The following ALK variants were observed in gnomAD, a reference collection of about 807,000 sequenced individuals.
ALK encodes the protein ALK tyrosine kinase receptor.
ALK carries 74 observed loss-of-function variants against 163.1 expected under a neutral mutation model. The observed-to-expected ratio is 0.45, with a 90% CI of 0.38 to 0.55. The LOEUF is 0.55. ALK is among the 20% of genes least tolerant of loss of function. The pLI is 0.00. For missense variants in ALK, 2,063 were observed against 2,105.3 expected (o/e 0.98, Z 0.39); for synonymous variants, 960 against 843.2 (o/e 1.14, Z -2.40).
chr2:29,304,193 A>T (rs1054636350), intron 8 of ALK, among the ~76,000 whole-genome samples: 5 of 152,126 alleles, frequency 3.3e-5, no homozygotes, highest in Admixed American at 1.3e-4. Context: ...GTTACCTGGG[A>T]CCTTGTTAGA....
intron 4 of ALK, among the ~76,000 whole-genome samples, chr2:29,410,941 A>G (rs1669710582): frequency 6.6e-6 from 1 of 152,196 alleles, no homozygotes. Flanking sequence ...TAACTTTGTT[A>G]CTTTATAAAC....
At chr2:29,540,164 A>C (rs1254748801) in intron 3 of ALK, among the ~76,000 whole-genome samples, 4 of 152,158 alleles carry the variant, frequency 2.6e-5, no homozygotes, top group Admixed American at 2.6e-4. Flanking sequence ...GCTGATAAGA[A>C]GCCCTTTAAA....
Position 29,251,185 on chromosome 2 carries a change from G to A in ALK, c.2124C>T (p.Ser708=), listed in dbSNP as rs1664807423. ...CGCTCCCCACCTCCACGCTCAGGTTGGAGTTCTGGTAGGCGTTGTTGCACT... is the reference window on the plus strand; with the variant it reads ...CGCTCCCCACCTCCACGCTCAGGTTAGAGTTCTGGTAGGCGTTGTTGCACT... ...QAQCNNAYQN[S]NLSVEVGSEG... The change falls in exon 12 of 29, where the codon TCC becomes TCT. Residue 708 remains serine, a synonymous_variant. Coordinates refer to ENST00000389048, the MANE Select transcript of ALK (RefSeq NM_004304.5). 3.1e-6 allele frequency: 5 copies of A among 1,614,032 alleles called. No homozygotes were observed. The highest frequency in any genetic ancestry group is 1.1e-5 in the South Asian group (1 of 91,066).
chr2:29,387,020 G>A (rs1669047791), intron 4 of ALK, among the ~76,000 whole-genome samples: 1 of 152,244 alleles, frequency 6.6e-6, no homozygotes. Context: ...GGAAGGTTAT[G>A]TTCTGACCTA....
chr2:29,351,005 A>G (rs1668096526), intron 5 of ALK, among the ~76,000 whole-genome samples: 1 of 152,172 alleles, frequency 6.6e-6, no homozygotes, highest in African/African-American at 2.4e-5. Context: ...TTACTCTTGG[A>G]GATTCATATT....
chr2:29,776,214 T>C (rs1681171032), intron 1 of ALK, among the ~76,000 whole-genome samples: 1 of 97,372 alleles, frequency 1.0e-5, no homozygotes, highest in Non-Finnish European at 2.0e-5. Context: ...GAAAATGCAA[T>C]GGAATTTTGT....
intron 2 of ALK, among the ~76,000 whole-genome samples, chr2:29,702,968 G>T (rs959594880): frequency 9.2e-5 from 14 of 152,322 alleles, no homozygotes; most frequent in Admixed American, 7.8e-4. Flanking sequence ...CAGAATATGT[G>T]CTGTGTTTCT....
At chr2:29,711,566 T>A (rs1440091949) in intron 2 of ALK, among the ~76,000 whole-genome samples, 1 of 151,758 alleles carries the variant, frequency 6.6e-6, no homozygotes, top group African/African-American at 2.4e-5. Flanking sequence ...ACTGTTGACA[T>A]CCCTTCTCCC....
chr2:29,719,211 T>A (rs1318968233), intron 1 of ALK, among the ~76,000 whole-genome samples: 1 of 152,252 alleles, frequency 6.6e-6, no homozygotes, highest in Non-Finnish European at 1.5e-5. Flanking sequence ...CTGCTTTCCA[T>A]AGCTCTGAGT....
chr2:29,852,046 G>T (rs568747941), intron 1 of ALK, among the ~76,000 whole-genome samples: 1 of 152,150 alleles, frequency 6.6e-6, no homozygotes, highest in Non-Finnish European at 1.5e-5. Flanking sequence ...CTGCCTGCAG[G>T]GGAAGATAGA....
At chr2:29,512,900 T>A in intron 4 of ALK, among the ~76,000 whole-genome samples, 1 of 139,106 alleles carries the variant, frequency 7.2e-6, no homozygotes, top group Admixed American at 7.3e-5. Context: ...CATTCACAAT[T>A]GCTTCAAAGA....
At chr2:29,326,457 TCA>T (rs893144665) in intron 6 of ALK, among the ~76,000 whole-genome samples, 7 of 152,090 alleles carry the variant, frequency 4.6e-5, no homozygotes, top group Non-Finnish European at 1.0e-4. Flanking sequence ...AATCGCGAAA[TCA>T]CAGAGTTCAG....
At chr2:29,705,166 C>A (rs895550796) in intron 2 of ALK, among the ~76,000 whole-genome samples, 3 of 144,548 alleles carry the variant, frequency 2.1e-5, no homozygotes, top group Admixed American at 7.2e-5. Context: ...TGCAGTGAGC[C>A]GAGATTGTGC....
intron 4 of ALK, among the ~76,000 whole-genome samples, chr2:29,481,995 T>A (rs879167977): frequency 6.6e-6 from 1 of 152,242 alleles, no homozygotes; most frequent in Admixed American, 6.5e-5. Context: ...GCAGTGGACC[T>A]ACGAGGAAAC....
chr2:29,589,205 GA>G (rs1674976365), intron 3 of ALK, among the ~76,000 whole-genome samples: 12 of 152,160 alleles, frequency 7.9e-5, no homozygotes, highest in Admixed American at 6.5e-4. Context: ...ATAAGTTAGA[GA>G]AGATTTGATG....
At chr2:29,401,906 C>T (rs1388130097) in intron 4 of ALK, among the ~76,000 whole-genome samples, 15 of 152,110 alleles carry the variant, frequency 9.9e-5, no homozygotes, top group Admixed American at 9.8e-4. Context: ...TTAAAACTCC[C>T]CAGTGGTCTT....
At chr2:29,376,115 C>T (rs1465419405) in intron 5 of ALK, among the ~76,000 whole-genome samples, 2 of 151,268 alleles carry the variant, frequency 1.3e-5, no homozygotes, top group African/African-American at 4.9e-5. Context: ...AATTCCAACC[C>T]CCCATAAACT....
At chr2:29,257,119 C>T (rs1172804696) in intron 11 of ALK, among the ~76,000 whole-genome samples, 5 of 152,004 alleles carry the variant, frequency 3.3e-5, no homozygotes, top group Admixed American at 6.6e-5. Context: ...CCCTATGGAG[C>T]TGTAGGATGA....
intron 5 of ALK, among the ~76,000 whole-genome samples, chr2:29,363,538 G>A (rs12714274): frequency 0.31 from 47,467 of 152,054 alleles, 7,725 homozygotes; most frequent in Middle Eastern, 0.36. Flanking sequence ...GCTTGCTGGA[G>A]TACCACCACT....
Sources: allele counts gnomAD v4.1 joint callset (sites outside exome capture counted in the v4.1 genomes callset), GRCh38; gene constraint gnomAD v4.1.1; transcripts MANE v1.5; gene names NCBI Gene and HGNC (gene_info 2026-07-23, HGNC 2026-07-21).